FTCD: variants seen among roughly 807,000 people sequenced by gnomAD.
FTCD encodes the protein formimidoyltransferase-cyclodeaminase.
FTCD carries 76 observed loss-of-function variants against 62.9 expected under a neutral mutation model. The ratio of observed to expected loss-of-function variants is 1.21; its 90% CI spans 1.00 to 1.46. The LOEUF is 1.46. Among genes scored for constraint, FTCD ranks in the 40% most tolerant of loss-of-function variants. FTCD has a pLI of 0.00. For synonymous variants in FTCD, 397 were observed against 336.9 expected, an observed-to-expected ratio of 1.18 and a Z score of -1.95; for missense variants, 845 against 751.3, an observed-to-expected ratio of 1.12 and a Z score of -1.46.
chr21:46,149,339 G>A (rs937455572), intron 7 of FTCD, among the ~76,000 whole-genome samples: 2 of 152,158 alleles, frequency 1.3e-5, no homozygotes, highest in Non-Finnish European at 2.9e-5. Context: ...GCAGCATCAC[G>A]GGGTCCTACA....
Position 46,137,040 on chromosome 21 carries a change from C to T in FTCD, c.1573G>A (p.Ala525Thr). The T allele has an allele frequency of 6.2e-7, 1 of 1,613,750 alleles. No homozygotes were observed. Among genetic ancestry groups the T allele is most frequent in the Non-Finnish European group, 8.5e-7 (1 of 1,179,992 alleles). ...HHRVSSLLQEAKTQAALVLDC... is the reference protein window; with the variant it reads ...HHRVSSLLQETKTQAALVLDC... ...AGCACCAGTGCAGCCTGGGTCTTGG[C>T]TTCCTGCAGGAGGCTGGAAACACGA... Residue 525 changes from alanine (A) to threonine (T), a missense_variant, in exon 14 of 14, where the codon GCC becomes ACC. Coordinates refer to ENST00000397746, the MANE Select transcript of FTCD (RefSeq NM_206965.2).
At chr21:46,149,367 C>G (rs1486780744) in intron 7 of FTCD, among the ~76,000 whole-genome samples, 1 of 152,194 alleles carries the variant, frequency 6.6e-6, no homozygotes. Context: ...AACTAAATAA[C>G]TGGGTCAGCG....
chr21:46,146,533 C>G, intron 7 of FTCD: 1 of 599,878 alleles, frequency 1.7e-6, no homozygotes, highest in South Asian at 2.0e-5. Flanking sequence ...GCAGGCACCC[C>G]GTACAGGCTT....
In FTCD at chr21:46,136,852, G is replaced by A. The variant is rs889105058; in HGVS notation, c.*135C>T. On this transcript the variant is annotated 3_prime_UTR_variant, in exon 14 of 14. Coordinates refer to ENST00000397746, the MANE Select transcript of FTCD (RefSeq NM_206965.2). ...GTCCCTGCCAGCGCCTCCATTCCCA[G>A]GCGATGCCCCGCTGCCTGCCCACCT... The A allele has an allele frequency of 1.9e-6, 3 of 1,553,302 alleles. No individual in the cohort carries two copies. Among genetic ancestry groups the A allele is most frequent in the Non-Finnish European group, 2.6e-6 (3 of 1,148,664 alleles).
Position 46,151,787 on chromosome 21 carries a change from G to GC in FTCD, c.457-51dup, listed in dbSNP as rs752248348. 13 of 1,600,836 alleles carry GC rather than the reference G, an allele frequency of 8.1e-6. No individual in the cohort carries two copies. In the South Asian group the frequency reaches 1.3e-4, roughly 16 times the overall value. ...GAGACATCCCCCACGGGAGGGAACA[G>GC]CCCCCCGGGGTCCCGGGAAGGAGGG... On this transcript the variant is annotated intron_variant, in intron 4 of 13. Transcript: ENST00000397746.
In FTCD at chr21:46,151,603, G is replaced by C. The variant is rs772195808; in HGVS notation, c.591C>G (p.His197Gln). ...INLLGTKEQA[H>Q]RIALNLREQG... ...GCTCCCGCAGGTTGAGCGCGATGCG[G>C]TGGGCTTGCTCCTTTGTGCCGAGCA... Residue 197 changes from histidine (H) to glutamine (Q), a missense_variant, in exon 5 of 14, where the codon CAC (histidine) becomes CAG (glutamine). By Grantham distance (24) the His-to-Gln change is conservative. Transcript: ENST00000397746. The C allele has an allele frequency of 1.9e-6, 3 of 1,613,032 alleles. No homozygotes were observed. The highest frequency in any genetic ancestry group is 2.5e-6 in the Non-Finnish European group (3 of 1,179,964).
chr21:46,138,758 T>G (rs541874646), intron 11 of FTCD, 112 bp from the exon 12 acceptor site: 1 of 1,452,860 alleles, frequency 6.9e-7, no homozygotes, highest in East Asian at 2.3e-5. Context: ...TGGGAAGTCA[T>G]TCCCAAACAC....
At position 46,145,992 on chromosome 21, in the gene FTCD, G is replaced by C. The variant is rs935920262; in HGVS notation, c.969-45C>G. ...CAGCGGGTCTGGCCGGGGTTGGTGG[G>C]GGGAGCGCAGTCCTCCCGGGGCGGC... is the stretch of plus-strand genomic sequence containing the variant. On this transcript the variant is annotated intron_variant, in intron 8 of 13. Transcript: ENST00000397746. 3 of 1,208,878 alleles carry C rather than the reference G, an allele frequency of 2.5e-6. No homozygotes were observed. In the African/African-American group the frequency reaches 4.7e-5, roughly 19 times the overall value. The allele number at this position is 1,208,878 out of a possible 1,614,324, so 74.9% of individuals were successfully genotyped here.
intron 10 of FTCD, among the ~76,000 whole-genome samples, chr21:46,143,666 G>C (rs2079066449): frequency 2.0e-5 from 3 of 152,192 alleles, no homozygotes; most frequent in Non-Finnish European, 4.4e-5. Context: ...TGTCAGGCCT[G>C]GGCAGGGCCA....
chr21:46,145,942 A>G lies in FTCD; in HGVS notation c.974T>C (p.Leu325Pro). The change falls in exon 9 of 14, where the codon CTG becomes CCG. Residue 325 changes from leucine (L) to proline (P), a missense_variant. Coordinates refer to ENST00000397746, the MANE Select transcript of FTCD (RefSeq NM_206965.2). ...FSPKERIIEY[L>P]VPERGPERGL... The stretch of plus-strand genomic sequence containing the variant: ...TCGCTCAGGCCCGCGCTCAGGGACC[A>G]GGTACCTGCAGGGTGGGCGCGGCTC... The G allele has an allele frequency of 2.7e-6, 4 of 1,493,442 alleles. No individual in the cohort carries two copies. The South Asian group carries it at 5.0e-5, about 19-fold the overall frequency. The allele number at this position is 1,493,442 out of a possible 1,614,324, so 92.5% of individuals were successfully genotyped here.
intron 10 of FTCD, chr21:46,142,431 CAGGTGGCGCGTCGGGAG>C (rs2079036987): frequency 6.6e-6 from 1 of 151,436 alleles, no homozygotes; most frequent in African/African-American, 2.4e-5. Context: ...TAAGCTCTTA[CAGGTGGCGCGTCGGGAG>C]CTGTTTCTTC....
Position 46,151,874 on chromosome 21 carries a change from C to A in FTCD, c.456+18G>T. ...GGTCCACCTCCTTCCCAGGCCCGAC[C>A]GCCCGGGGTGGGGGCACCTTCTTAG... On this transcript the variant is annotated intron_variant, in intron 4 of 13. Transcript: ENST00000397746. 1 of 1,554,898 alleles carries A rather than the reference C, an allele frequency of 6.4e-7. No homozygotes were observed. The highest frequency in any genetic ancestry group is 1.2e-5 in the South Asian group (1 of 85,642).
In FTCD at chr21:46,136,839, G is replaced by A. The variant is rs767576209; in HGVS notation, c.*148C>T. The A allele has an allele frequency of 4.3e-5, 67 of 1,550,842 alleles. No individual in the cohort carries two copies. Among genetic ancestry groups the A allele is most frequent in the African/African-American group, 1.4e-4 (10 of 73,074 alleles). On this transcript the variant is annotated 3_prime_UTR_variant, in exon 14 of 14. Coordinates refer to ENST00000397746, the MANE Select transcript of FTCD (RefSeq NM_206965.2). ...CTAGGGGCCTTCTGTCCCTGCCAGC[G>A]CCTCCATTCCCAGGCGATGCCCCGC...
At chr21:46,153,592 C>T (rs2079356236) in intron 2 of FTCD, among the ~76,000 whole-genome samples, 1 of 152,238 alleles carries the variant, frequency 6.6e-6, no homozygotes, top group African/African-American at 2.4e-5. Context: ...CCGCCTTTGC[C>T]GCCACCGCCC....
intron 10 of FTCD, among the ~76,000 whole-genome samples, chr21:46,143,128 T>C (rs1035028002): frequency 1.3e-5 from 2 of 152,214 alleles, no homozygotes; most frequent in African/African-American, 4.8e-5. Flanking sequence ...TGGCTCCCTC[T>C]GTGCCTGTGT....
intron 7 of FTCD, among the ~76,000 whole-genome samples, chr21:46,147,714 G>A (rs12627256): frequency 0.075 from 11,386 of 151,480 alleles, 832 homozygotes; most frequent in East Asian, 0.35. Context: ...TGAGGCGGAC[G>A]GATCACGAGG....
chr21:46,154,989 GC>G (rs1186085507), intron 1 of FTCD, among the ~76,000 whole-genome samples: 1 of 152,070 alleles, frequency 6.6e-6, no homozygotes, highest in Non-Finnish European at 1.5e-5. Context: ...GGGGCCTGCT[GC>G]CCCCTCTGTG....
rs1379972779 is a variant in FTCD at position 46,137,546 on chromosome 21, CCACAGGAGGCCTGGGAGCAGTCA to C, written c.1444-235_1444-213del. 5.9e-5 allele frequency among the ~76,000 whole-genome samples: 9 copies of C among 152,328 alleles called. No homozygotes were observed. In the East Asian group the frequency reaches 1.7e-3, roughly 29 times the overall value. ...TCTCTTATCCAAGCAGGGCTCAGCCCCACAGGAGGCCTGGGAGCAGTCACACTGGAGGCTCTCCGCCACTCTAG... is the reference window on the plus strand; with the variant it reads ...TCTCTTATCCAAGCAGGGCTCAGCCCCACTGGAGGCTCTCCGCCACTCTAG... On this transcript the variant is annotated intron_variant, in intron 12 of 13. Coordinates refer to ENST00000397746, the MANE Select transcript of FTCD (RefSeq NM_206965.2).
chr21:46,140,064 T>C (rs2078960875), intron 10 of FTCD, among the ~76,000 whole-genome samples: 1 of 152,256 alleles, frequency 6.6e-6, no homozygotes, highest in Non-Finnish European at 1.5e-5. Context: ...ATCTGGAAAT[T>C]ACTTATGTAT....
Sources: gnomAD v4.1 joint callset for allele counts (sites outside exome capture counted in the v4.1 genomes callset) on GRCh38, gnomAD v4.1.1 for gene constraint, MANE v1.5 for transcripts, NCBI Gene and HGNC (gene_info 2026-07-23, HGNC 2026-07-21) for gene names.